STT3A: variants seen among roughly 807,000 people sequenced by gnomAD.
STT3A encodes STT3 oligosaccharyltransferase complex catalytic subunit A, also known as dolichyl-diphosphooligosaccharide--protein glycosyltransferase subunit STT3A.
STT3A carries 34 observed loss-of-function variants against 89.2 expected under a neutral mutation model. The ratio of observed to expected loss-of-function variants is 0.38; its 90% confidence interval spans 0.29 to 0.51. STT3A has a LOEUF of 0.51. Among genes scored for constraint, STT3A ranks in the 20% least tolerant of loss-of-function variants. STT3A has a pLI of 0.89. For missense variants in STT3A, 555 were observed against 889.5 expected, an observed-to-expected ratio of 0.62 and a Z score of 4.78; for synonymous variants, 282 against 310.3, an observed-to-expected ratio of 0.91 and a Z score of 0.96.
At position 125,596,044 on chromosome 11, in the gene STT3A, A is replaced by G. The variant is rs772952198; in HGVS notation, c.88+41A>G. The stretch of plus-strand genomic sequence containing the variant: ...AACCTCTCTTTCTTTGGGGATAGAA[A>G]GAAGAAAGTCTAGAAAAAAATTGAA... On this transcript the variant is annotated intron_variant, in intron 2 of 17. Transcript: ENST00000392708. 2.0e-6 allele frequency: 3 copies of G among 1,474,624 alleles called. No homozygotes were observed. The South Asian group carries it at 3.6e-5, about 18-fold the overall frequency. 91.3% of individuals were successfully genotyped at this position (1,474,624 alleles called of 1,614,324 possible).
upstream of STT3A, among the ~76,000 whole-genome samples, chr11:125,592,254 A>G (rs1939317660): frequency 6.6e-6 from 1 of 152,200 alleles, no homozygotes; most frequent in African/African-American, 2.4e-5. Context: ...TCCCAGGTCC[A>G]TCGCAGTTAC....
intron 8 of STT3A, 67 bp from the exon 9 acceptor site, chr11:125,608,042 G>A: frequency 6.8e-7 from 1 of 1,473,922 alleles, no homozygotes; most frequent in Non-Finnish European, 9.0e-7. Flanking sequence ...TAAGAATAAT[G>A]CAGGCCTGCA....
chr11:125,597,672 G>GTTTT (rs1264554475), intron 3 of STT3A, among the ~76,000 whole-genome samples: 1 of 152,110 alleles, frequency 6.6e-6, no homozygotes, highest in East Asian at 1.9e-4. Context: ...TTGTTTGTTT[G>GTTTT]TTTAGCAATT....
At chr11:125,604,454 G>A (rs1264132697) in intron 6 of STT3A, among the ~76,000 whole-genome samples, 1 of 152,050 alleles carries the variant, frequency 6.6e-6, no homozygotes, top group Non-Finnish European at 1.5e-5. Flanking sequence ...ACAAGTCTTT[G>A]GTTCATCTCT....
intron 1 of STT3A, among the ~76,000 whole-genome samples, chr11:125,593,923 T>C (rs569435742): frequency 1.4e-3 from 209 of 152,276 alleles, no homozygotes; most frequent in Non-Finnish European, 1.7e-3. Context: ...TGGAGGAGGA[T>C]AGACAAACGT....
At position 125,608,241 on chromosome 11, in the gene STT3A, C is replaced by T; in HGVS notation, c.913C>T (p.Leu305=). The T allele has an allele frequency of 1.2e-6, 2 of 1,614,188 alleles. No homozygotes were observed. The highest frequency in any genetic ancestry group is 1.7e-6 in the Non-Finnish European group (2 of 1,180,014). Residue 305 remains leucine, a synonymous_variant, in exon 9 of 18, where the codon CTG becomes TTG. Transcript: ENST00000392708. ...AGTTCTTTTCCGGAGCGTCATCTCTCTGGTAGGCTTTGTCCTTCTCACCGT... is the reference window on the plus strand; with the variant it reads ...AGTTCTTTTCCGGAGCGTCATCTCTTTGGTAGGCTTTGTCCTTCTCACCGT... ...FEVLFRSVIS[L]VGFVLLTVGA... is the part of the protein sequence containing the mutation.
chr11:125,611,250 G>T, intron 10 of STT3A, 178 bp from the exon 11 acceptor site: 1 of 502,442 alleles, frequency 2.0e-6, no homozygotes, highest in African/African-American at 1.9e-5. Flanking sequence ...CTACTTTAAA[G>T]TGTGCTGTAG....
intron 10 of STT3A, chr11:125,610,924 G>A (rs11220153): frequency 0.28 from 42,747 of 152,040 alleles, 6,202 homozygotes; most frequent in East Asian, 0.4. Flanking sequence ...TACATATTCA[G>A]GAGTTCTCAC....
intron 15 of STT3A, among the ~76,000 whole-genome samples, chr11:125,617,649 C>T (rs1010294253): frequency 6.6e-6 from 1 of 152,182 alleles, no homozygotes; most frequent in African/African-American, 2.4e-5. Flanking sequence ...GTGTTTGACA[C>T]AGAAATGTTG....
chr11:125,596,360 G>A (rs1939496526), intron 2 of STT3A, among the ~76,000 whole-genome samples: 1 of 152,204 alleles, frequency 6.6e-6, no homozygotes, highest in South Asian at 2.1e-4. Flanking sequence ...AGCTACTTGG[G>A]AGGCTGAGGC....
chr11:125,593,417 TGAG>T (rs757239103), intron 1 of STT3A: 3 of 152,254 alleles, frequency 2.0e-5, no homozygotes, highest in Non-Finnish European at 4.4e-5. Context: ...AGGGCACAGT[TGAG>T]GAGAGCAGGT....
intron 11 of STT3A, among the ~76,000 whole-genome samples, chr11:125,612,227 A>T (rs1231660262): frequency 6.6e-6 from 1 of 152,160 alleles, no homozygotes; most frequent in Non-Finnish European, 1.5e-5. Flanking sequence ...CTAATAACTA[A>T]TACTAGGTAA....
chr11:125,601,281 C>T (rs1292241471), intron 3 of STT3A, among the ~76,000 whole-genome samples: 1 of 152,146 alleles, frequency 6.6e-6, no homozygotes, highest in East Asian at 1.9e-4. Context: ...ATTCATGTGT[C>T]TTTGTGTGCA....
At chr11:125,602,722 T>C in intron 4 of STT3A, 81 bp from the exon 5 acceptor site, 1 of 1,564,752 alleles carries the variant, frequency 6.4e-7, no homozygotes, top group Non-Finnish European at 8.8e-7. Flanking sequence ...ATAGTCACTT[T>C]ATTGTATCTG....
intron 10 of STT3A, 87 bp downstream of exon 10, chr11:125,609,676 G>C (rs763842787): frequency 1.3e-5 from 20 of 1,516,102 alleles, no homozygotes; most frequent in Non-Finnish European, 1.7e-5. Flanking sequence ...TTCGTGTTTT[G>C]TTTTTCTTTG....
intron 8 of STT3A, among the ~76,000 whole-genome samples, chr11:125,607,662 G>C (rs893955488): frequency 6.6e-6 from 1 of 152,128 alleles, no homozygotes; most frequent in African/African-American, 2.4e-5. Flanking sequence ...TGGTGACTAC[G>C]ATGCCCACTA....
At chr11:125,618,949 GTC>G (rs1258601956) in intron 16 of STT3A, among the ~76,000 whole-genome samples, 1 of 152,114 alleles carries the variant, frequency 6.6e-6, no homozygotes, top group African/African-American at 2.4e-5. Context: ...GTCTGGGCTG[GTC>G]TGGAACTCCT....
chr11:125,606,581 T>C, intron 8 of STT3A, 116 bp downstream of exon 8: 2 of 1,154,800 alleles, frequency 1.7e-6, no homozygotes, highest in South Asian at 1.9e-5. Flanking sequence ...GCCTTTATAT[T>C]GAACTACTTG....
At chr11:125,610,498 C>T (rs767317674) in intron 10 of STT3A, among the ~76,000 whole-genome samples, 2 of 152,006 alleles carry the variant, frequency 1.3e-5, no homozygotes, top group Non-Finnish European at 2.9e-5. Context: ...GTGAGAAGAT[C>T]ACTTAAGGTC....
Sources: allele counts gnomAD v4.1 joint callset (sites outside exome capture counted in the v4.1 genomes callset), GRCh38; gene constraint gnomAD v4.1.1; transcripts MANE v1.5; gene names NCBI Gene and HGNC (gene_info 2026-07-23, HGNC 2026-07-21).